Variants in XYLT1 observed in about 807,000 individuals in gnomAD.
The protein encoded by XYLT1 is beta-D-xylosyltransferase 1.
XYLT1 carries 36 observed loss-of-function variants against 91.3 expected under a neutral mutation model. The ratio of observed to expected loss-of-function variants is 0.39; its 90% CI spans 0.30 to 0.52. The LOEUF is 0.52. Among genes scored for constraint, XYLT1 ranks in the 20% least tolerant of loss-of-function variants. The probability of loss-of-function intolerance (pLI) is 0.68; values close to 1 mark genes in which losing one functional copy is unlikely to be tolerated. For synonymous variants in XYLT1, 588 were observed against 532.0 expected, an observed-to-expected ratio of 1.11 and a Z score of -1.45; for missense variants, 1,242 against 1,284.5, an observed-to-expected ratio of 0.97 and a Z score of 0.51.
intron 2 of XYLT1, among the ~76,000 whole-genome samples, chr16:17,331,664 C>T (rs1020886861): frequency 4.6e-5 from 7 of 152,090 alleles, no homozygotes; most frequent in South Asian, 2.1e-4. Context: ...TAGATGTTAA[C>T]GAGCCCATTT....
intron 11 of XYLT1, among the ~76,000 whole-genome samples, chr16:17,116,060 T>C (rs1019095109): frequency 3.9e-5 from 6 of 152,018 alleles, no homozygotes; most frequent in Admixed American, 2.6e-4. Context: ...TTTTGTGATT[T>C]ATGGTGTGTA....
chr16:17,314,629 A>T lies in XYLT1; in HGVS notation c.402+43383T>A, dbSNP rs548384304. 3.2e-4 allele frequency among the ~76,000 whole-genome samples: 48 copies of T among 152,336 alleles called. 1 individual carries two copies. The highest frequency in any genetic ancestry group is 1.1e-3 in the African/African-American group (46 of 41,578). On this transcript the variant is annotated intron_variant, in intron 2 of 11. Coordinates refer to ENST00000261381, the MANE Select transcript of XYLT1 (RefSeq NM_022166.4). The stretch of plus-strand genomic sequence containing the variant: ...ATTATCTATCCCCTCCCATTCCAGG[A>T]AAGAAAGGCCTGTGATGAAAGACAC...
At chr16:17,229,388 G>C (rs11863992) in intron 3 of XYLT1, among the ~76,000 whole-genome samples, 1 of 152,174 alleles carries the variant, frequency 6.6e-6, no homozygotes, top group Admixed American at 6.5e-5. Flanking sequence ...GTTACACCTA[G>C]ATCACAAACA....
intron 3 of XYLT1, among the ~76,000 whole-genome samples, chr16:17,256,024 A>G (rs2033624839): frequency 6.6e-6 from 1 of 152,166 alleles, no homozygotes; most frequent in Non-Finnish European, 1.5e-5. Flanking sequence ...AAAACAAAAC[A>G]AAACAGATAG....
At chr16:17,394,414 C>T (rs777626452) in intron 1 of XYLT1, among the ~76,000 whole-genome samples, 1 of 152,200 alleles carries the variant, frequency 6.6e-6, no homozygotes, top group Non-Finnish European at 1.5e-5. Flanking sequence ...CCAAGTCCAA[C>T]CCTGCCAGCT....
At chr16:17,444,812 T>C (rs1396549911) in intron 1 of XYLT1, among the ~76,000 whole-genome samples, 1 of 152,154 alleles carries the variant, frequency 6.6e-6, no homozygotes, top group East Asian at 1.9e-4. Context: ...GCCTGGCACA[T>C]AGTAGGTGCT....
At chr16:17,241,657 C>G (rs903626951) in intron 3 of XYLT1, among the ~76,000 whole-genome samples, 6 of 152,232 alleles carry the variant, frequency 3.9e-5, no homozygotes, top group Non-Finnish European at 7.3e-5. Context: ...GACGTTGGAA[C>G]TGATGGGGCA....
At chr16:17,109,262 G>T (rs1966821778) in intron 11 of XYLT1, among the ~76,000 whole-genome samples, 1 of 152,178 alleles carries the variant, frequency 6.6e-6, no homozygotes, top group African/African-American at 2.4e-5. Context: ...CATGTTTATA[G>T]CGCATCTTTG....
chr16:17,468,415 G>C (rs899545348), intron 1 of XYLT1, among the ~76,000 whole-genome samples: 4 of 152,078 alleles, frequency 2.6e-5, no homozygotes, highest in Admixed American at 2.6e-4. Flanking sequence ...AAGAAATTGA[G>C]ACATTAGGAC....
At chr16:17,113,750 T>C (rs1182102364) in intron 11 of XYLT1, among the ~76,000 whole-genome samples, 1 of 152,220 alleles carries the variant, frequency 6.6e-6, no homozygotes, top group Admixed American at 6.5e-5. Flanking sequence ...CAATCACATT[T>C]TGACACAGTT....
At chr16:17,234,430 T>C (rs1186754399) in intron 3 of XYLT1, among the ~76,000 whole-genome samples, 1 of 152,154 alleles carries the variant, frequency 6.6e-6, no homozygotes, top group Non-Finnish European at 1.5e-5. Flanking sequence ...GATACTAAGT[T>C]CTGCACAGCT....
chr16:17,136,441 A>G lies in XYLT1; in HGVS notation c.1765-1706T>C, dbSNP rs1032657393. Among the ~76,000 whole-genome samples the G allele has an allele frequency of 8.5e-5, 13 of 152,280 alleles. 1 individual carries two copies. Among genetic ancestry groups the G allele is most frequent in the African/African-American group, 1.7e-4 (7 of 41,570 alleles). On this transcript the variant is annotated intron_variant, in intron 8 of 11. Transcript: ENST00000261381. ...TGGGGAGCACAGCTTAGCACTGTAG[A>G]GAGTTAGACCACCTGAATTCAAATC...
intron 11 of XYLT1, among the ~76,000 whole-genome samples, chr16:17,117,138 A>G (rs1429180196): frequency 6.6e-6 from 1 of 152,234 alleles, no homozygotes; most frequent in East Asian, 1.9e-4. Flanking sequence ...TTTATTTACA[A>G]AAACAGGTAG....
chr16:17,142,538 A>C (rs1375225452), intron 6 of XYLT1, among the ~76,000 whole-genome samples: 1 of 145,760 alleles, frequency 6.9e-6, no homozygotes, highest in Admixed American at 7.1e-5. Flanking sequence ...GGTTCAAGTG[A>C]TTCTCCTGCC....
At chr16:17,334,837 C>A (rs376157181) in intron 2 of XYLT1, among the ~76,000 whole-genome samples, 4 of 151,660 alleles carry the variant, frequency 2.6e-5, no homozygotes, top group African/African-American at 9.7e-5. Flanking sequence ...GAGCTGAGAT[C>A]GCACCACTGC....
chr16:17,178,008 G>T (rs2031982158), intron 5 of XYLT1, among the ~76,000 whole-genome samples: 1 of 152,180 alleles, frequency 6.6e-6, no homozygotes, highest in South Asian at 2.1e-4. Flanking sequence ...GATTGAGGAA[G>T]GTGGTGCAGG....
intron 2 of XYLT1, chr16:17,338,680 G>C (rs948787979): frequency 7.5e-5 from 27 of 361,798 alleles, no homozygotes; most frequent in African/African-American, 5.3e-4. Context: ...AGTGCAGTTA[G>C]TTCAAGCAAT....
At chr16:17,432,604 G>T (rs1279026806) in intron 1 of XYLT1, among the ~76,000 whole-genome samples, 2 of 152,184 alleles carry the variant, frequency 1.3e-5, no homozygotes. Context: ...TGGTTGCACA[G>T]CTCAGTAAGT....
In XYLT1 at chr16:17,318,380, G is replaced by A. The variant is rs112854353; in HGVS notation, c.402+39632C>T. On this transcript the variant is annotated intron_variant, in intron 2 of 11. Coordinates refer to ENST00000261381, the MANE Select transcript of XYLT1 (RefSeq NM_022166.4). The stretch of plus-strand genomic sequence containing the variant: ...AACACCAGCACATGGCTTTTCGGGG[G>A]AGGAGTACATTTCATCACAAGGCCA... Among the ~76,000 whole-genome samples the A allele has an allele frequency of 6.1e-3, 934 of 152,278 alleles. 11 individuals are homozygous for A. Among genetic ancestry groups the A allele is most frequent in the African/African-American group, 0.021 (888 of 41,562 alleles).
Sources: allele counts gnomAD v4.1 joint callset (sites outside exome capture counted in the v4.1 genomes callset), GRCh38; gene constraint gnomAD v4.1.1; transcripts MANE v1.5; gene names NCBI Gene and HGNC (gene_info 2026-07-23, HGNC 2026-07-21).